The following CLEC2A variants were observed in gnomAD, a reference collection of about 807,000 sequenced individuals.
CLEC2A encodes C-type lectin domain family 2 member A, also known as keratinocyte-associated C-type lectin.
CLEC2A carries 19 observed loss-of-function variants against 18.6 expected under a neutral mutation model. That is an observed-to-expected ratio of 1.02 (90% CI 0.71 to 1.50). The LOEUF (loss-of-function observed/expected upper bound fraction) is 1.50. CLEC2A is among the 40% of genes most tolerant of loss of function. CLEC2A has a pLI of 0.00. For synonymous variants in CLEC2A, 74 were observed against 64.0 expected, an observed-to-expected ratio of 1.16 and a Z score of -0.75; for missense variants, 190 against 207.9, an observed-to-expected ratio of 0.91 and a Z score of 0.53.
At chr12:9,886,781 AAG>A in the CLEC2A span, among the ~76,000 whole-genome samples, 26 of 145,156 alleles carry the variant, frequency 1.8e-4, no homozygotes, top group South Asian at 4.3e-4. Context: ...AAAAAAAAAA[AAG>A]AGAGAAGAAC....
rs569947257 is a variant in CLEC2A, at chr12:9,914,763, A to T, written c.411-1083T>A. On this transcript the variant is annotated intron_variant, in intron 4 of 4. Coordinates refer to ENST00000455827, the MANE Select transcript of CLEC2A (RefSeq NM_001130711.2). Reference sequence around the variant, plus strand: ...TAAAACCCCAAACCATAAAACCCCTAGAAAAAAATCTAGGCAATATCATTC... The same window carrying T: ...TAAAACCCCAAACCATAAAACCCCTTGAAAAAAATCTAGGCAATATCATTC... Among the ~76,000 whole-genome samples, 21 of 152,330 alleles carry T rather than the reference A, an allele frequency of 1.4e-4. No individual in the cohort carries two copies. The East Asian group carries it at 3.9e-3, about 28-fold the overall frequency.
chr12:9,880,520 A>ATGTG, the CLEC2A span, among the ~76,000 whole-genome samples: 896 of 147,300 alleles, frequency 6.1e-3, 13 homozygotes, highest in African/African-American at 0.02. Flanking sequence ...AACCATTAGC[A>ATGTG]TGTGTGTGTG....
intron 4 of CLEC2A, among the ~76,000 whole-genome samples, chr12:9,906,918 T>C (rs114265804): frequency 0.013 from 1,924 of 152,340 alleles, 50 homozygotes; most frequent in African/African-American, 0.044. Flanking sequence ...GTGGTTAGTG[T>C]TAAATCATTT....
chr12:9,895,895 A>G, downstream of CLEC2A: 1 of 1,410,352 alleles, frequency 7.1e-7, no homozygotes, highest in Non-Finnish European at 9.2e-7. Flanking sequence ...TAAAGACTTA[A>G]GATTTTTAGA....
chr12:9,900,995 AC>A (rs1052326273), intron 4 of CLEC2A, among the ~76,000 whole-genome samples: 3 of 152,158 alleles, frequency 2.0e-5, no homozygotes, highest in African/African-American at 7.2e-5. Flanking sequence ...AGAAAAAAAA[AC>A]ATGCTCCAGG....
chr12:9,910,778 G>A (rs11053508), downstream of CLEC2A, among the ~76,000 whole-genome samples: 53,818 of 151,950 alleles, frequency 0.35, 10,514 homozygotes, highest in Non-Finnish European at 0.45. Flanking sequence ...GGGTTTATTC[G>A]TCATGCTGGG....
the CLEC2A span, among the ~76,000 whole-genome samples, chr12:9,892,756 G>T: frequency 1.3e-5 from 2 of 151,568 alleles, no homozygotes; most frequent in Admixed American, 1.3e-4. Context: ...GGCTAATTTT[G>T]TATTTTTAGT....
At chr12:9,926,467 A>T (rs549532145) in intron 1 of CLEC2A, 124 bp from the exon 2 acceptor site, 1 of 647,192 alleles carries the variant, frequency 1.5e-6, no homozygotes, top group Non-Finnish European at 2.7e-6. Flanking sequence ...ATACATCTCA[A>T]AATAACAAAG....
chr12:9,900,760 G>A (rs953171452), intron 4 of CLEC2A, among the ~76,000 whole-genome samples: 1 of 152,158 alleles, frequency 6.6e-6, no homozygotes, highest in Non-Finnish European at 1.5e-5. Flanking sequence ...AAGGGTATGA[G>A]GCCAGTTTCC....
At chr12:9,878,291 C>T in the CLEC2A span, among the ~76,000 whole-genome samples, 12 of 152,044 alleles carry the variant, frequency 7.9e-5, no homozygotes, top group East Asian at 5.8e-4. Context: ...TTTTCTATGT[C>T]TATTTTGGAT....
At chr12:9,909,946 C>T (rs1057349511), downstream of CLEC2A, among the ~76,000 whole-genome samples, 1 of 152,024 alleles carries the variant, frequency 6.6e-6, no homozygotes, top group East Asian at 1.9e-4. Context: ...GAATAGGGAC[C>T]TTTTCTCTTT....
chr12:9,903,236 GTTC>G (rs775200141), intron 4 of CLEC2A, among the ~76,000 whole-genome samples: 4 of 151,110 alleles, frequency 2.6e-5, no homozygotes, highest in Non-Finnish European at 5.9e-5. Flanking sequence ...TGGCTTTGCT[GTTC>G]TTCTTGATCA....
the CLEC2A span, among the ~76,000 whole-genome samples, chr12:9,883,987 T>C: frequency 1.3e-5 from 2 of 152,164 alleles, no homozygotes; most frequent in African/African-American, 4.8e-5. Context: ...ATTATCAGAG[T>C]ATCTCAAATT....
rs1049800290 is a variant in CLEC2A, at chr12:9,915,793, A to G, written c.410+907T>C. ...AGATGATGGATTGGTAGGTGCAACA[A>G]TCCACCATGGCACACACATACCTAT... is the stretch of plus-strand genomic sequence containing the variant. On this transcript the variant is annotated intron_variant, in intron 4 of 4. Transcript: ENST00000455827. 5.3e-5 allele frequency among the ~76,000 whole-genome samples: 8 copies of G among 152,188 alleles called. No individual in the cohort carries two copies. In the East Asian group the frequency reaches 1.3e-3, roughly 26 times the overall value.
At chr12:9,896,858 A>AT (rs764556099), downstream of CLEC2A, among the ~76,000 whole-genome samples, 8,504 of 135,932 alleles carry the variant, frequency 0.063, 395 homozygotes, top group African/African-American at 0.1. Context: ...CAGTCTCTTA[A>AT]TTTTTTTTTT....
the CLEC2A span, among the ~76,000 whole-genome samples, chr12:9,890,715 T>C: frequency 1.3e-5 from 2 of 152,346 alleles, no homozygotes; most frequent in African/African-American, 2.4e-5. Flanking sequence ...GGGACTCTTC[T>C]TTTGTTTTCA....
At chr12:9,883,677 C>T in the CLEC2A span, among the ~76,000 whole-genome samples, 7 of 152,216 alleles carry the variant, frequency 4.6e-5, no homozygotes, top group Middle Eastern at 3.4e-3. Context: ...GCTTGAACAG[C>T]AGAAATATCT....
At chr12:9,914,087 C>G (rs547645475) in intron 4 of CLEC2A, among the ~76,000 whole-genome samples, 1 of 152,088 alleles carries the variant, frequency 6.6e-6, no homozygotes, top group Non-Finnish European at 1.5e-5. Flanking sequence ...ATTCAGTTTT[C>G]TGGCATAATT....
intron 1 of CLEC2A, among the ~76,000 whole-genome samples, chr12:9,931,597 C>T (rs935592765): frequency 3.9e-5 from 6 of 152,112 alleles, no homozygotes; most frequent in African/African-American, 1.4e-4. Flanking sequence ...AAGAATTATC[C>T]CAATTGCCCT....
Sources: gnomAD v4.1 joint callset for allele counts (sites outside exome capture counted in the v4.1 genomes callset) on GRCh38, gnomAD v4.1.1 for gene constraint, MANE v1.5 for transcripts, NCBI Gene and HGNC (gene_info 2026-07-23, HGNC 2026-07-21) for gene names.